Variants in PIBF1 observed in about 807,000 individuals in gnomAD.
PIBF1 encodes progesterone immunomodulatory binding factor 1.
Under a neutral mutation model 112.5 loss-of-function variants are expected in PIBF1, and 90 were observed. The ratio of observed to expected loss-of-function variants is 0.80; its 90% CI spans 0.67 to 0.95. The LOEUF is 0.95. Ranked by LOEUF, PIBF1 falls within the 40% of genes least tolerant of loss-of-function variation. The probability of loss-of-function intolerance (pLI) is 0.00; values close to 1 mark genes in which losing one functional copy is unlikely to be tolerated. For missense variants in PIBF1, 915 were observed against 852.3 expected, an observed-to-expected ratio of 1.07 and a Z score of -0.92; for synonymous variants, 301 against 288.6, an observed-to-expected ratio of 1.04 and a Z score of -0.44.
intron 14 of PIBF1, among the ~76,000 whole-genome samples, chr13:72,935,624 T>G (rs149529334): frequency 2.0e-5 from 3 of 152,224 alleles, no homozygotes; most frequent in African/African-American, 7.2e-5. Flanking sequence ...TGCTAAACTG[T>G]TTCCCAGATG....
chr13:72,919,903 G>A (rs1198702935), intron 13 of PIBF1, among the ~76,000 whole-genome samples: 1 of 152,142 alleles, frequency 6.6e-6, no homozygotes, highest in African/African-American at 2.4e-5. Flanking sequence ...GAGCTCAAGA[G>A]GTCGAGGCAG....
Position 72,782,159 on chromosome 13 carries a change from A to C in PIBF1, c.-238A>C, listed in dbSNP as rs907494048. 4 of 289,768 alleles carry C rather than the reference A, an allele frequency of 1.4e-5. No homozygotes were observed. Among genetic ancestry groups the C allele is most frequent in the African/African-American group, 2.2e-5 (1 of 46,156 alleles). 17.9% of individuals were successfully genotyped at this position (289,768 alleles called of 1,614,324 possible). ...GAGTTGACTTCCGGCGGCTTGTGGG[A>C]GTGCTGGTTCTGTCCTCCTTGCGGG... is the stretch of plus-strand genomic sequence containing the variant. On this transcript the variant is annotated 5_prime_UTR_variant, in exon 1 of 18. Coordinates refer to ENST00000326291, the MANE Select transcript of PIBF1 (RefSeq NM_006346.4).
chr13:72,975,859 A>T (rs1594301800), intron 16 of PIBF1, among the ~76,000 whole-genome samples: 2 of 152,318 alleles, frequency 1.3e-5, no homozygotes, highest in African/African-American at 2.4e-5. Flanking sequence ...AGTGTTTTTG[A>T]AATTAAATAT....
At chr13:72,953,345 C>T (rs190424595) in intron 14 of PIBF1, among the ~76,000 whole-genome samples, 13 of 152,268 alleles carry the variant, frequency 8.5e-5, no homozygotes, top group Admixed American at 1.3e-4. Context: ...TTGTCCCACA[C>T]GGTGCCTCCG....
In PIBF1 at chr13:72,839,490, G is replaced by T. The variant is rs113968825; in HGVS notation, c.1223+4122G>T. ...CTGTAGAAGAATCTGAACCTCAAGAGAAAGATCTGGGAATTAGAGAGGCCT... is the reference window on the plus strand; with the variant it reads ...CTGTAGAAGAATCTGAACCTCAAGATAAAGATCTGGGAATTAGAGAGGCCT... On this transcript the variant is annotated intron_variant, in intron 9 of 17. Transcript: ENST00000326291. Among the ~76,000 whole-genome samples, 653 of 152,306 alleles carry T rather than the reference G, an allele frequency of 4.3e-3. 9 individuals carry two copies. The highest frequency in any genetic ancestry group is 0.015 in the African/African-American group (607 of 41,560).
chr13:72,946,427 C>T (rs1021755569), intron 14 of PIBF1, among the ~76,000 whole-genome samples: 2 of 152,094 alleles, frequency 1.3e-5, no homozygotes, highest in Non-Finnish European at 2.9e-5. Flanking sequence ...AAAACCTAAC[C>T]ATATCATTCT....
chr13:72,920,541 C>T (rs537522919), intron 13 of PIBF1, among the ~76,000 whole-genome samples: 16 of 152,292 alleles, frequency 1.1e-4, no homozygotes, highest in African/African-American at 3.1e-4. Context: ...GTAAAGAAAG[C>T]GGTGGCTTTG....
At chr13:72,933,439 A>T (rs1193923243) in intron 14 of PIBF1, among the ~76,000 whole-genome samples, 1 of 152,240 alleles carries the variant, frequency 6.6e-6, no homozygotes, top group East Asian at 1.9e-4. Flanking sequence ...AGGCAGGGGG[A>T]TCACTTGAGG....
chr13:72,897,652 CA>C (rs1376671261), intron 11 of PIBF1, among the ~76,000 whole-genome samples: 1 of 152,122 alleles, frequency 6.6e-6, no homozygotes, highest in African/African-American at 2.4e-5. Flanking sequence ...CAAAAGCGAG[CA>C]GGGGTAGCTA....
At chr13:72,881,086 T>G (rs1037582361) in intron 10 of PIBF1, 4 of 118,732 alleles carry the variant, frequency 3.4e-5, no homozygotes, top group African/African-American at 1.3e-4. Context: ...TGTTATTAGA[T>G]GATAGGATTT....
At chr13:72,853,969 C>A in intron 9 of PIBF1, 88 bp from the exon 10 acceptor site, 2 of 1,018,730 alleles carry the variant, frequency 2.0e-6, no homozygotes, top group Non-Finnish European at 1.5e-6. Context: ...TCAGATGGGT[C>A]CTTAAGATTG....
intron 17 of PIBF1, among the ~76,000 whole-genome samples, chr13:73,010,810 CTTTTTTTTTTT>C (rs1176079981): frequency 0.015 from 618 of 40,356 alleles, 13 homozygotes; most frequent in African/African-American, 0.054. Context: ...ATTAACTTTT[CTTTTTTTTTTT>C]TTTTTTTTTT....
At chr13:72,889,006 C>T (rs1276882546) in intron 10 of PIBF1, among the ~76,000 whole-genome samples, 2 of 151,700 alleles carry the variant, frequency 1.3e-5, no homozygotes, top group Non-Finnish European at 2.9e-5. Context: ...TCGACACCAG[C>T]CTGGGCGACA....
chr13:72,843,414 G>T (rs1430486409), intron 9 of PIBF1, among the ~76,000 whole-genome samples: 1 of 152,152 alleles, frequency 6.6e-6, no homozygotes, highest in Non-Finnish European at 1.5e-5. Flanking sequence ...ATTAGCTCCA[G>T]AATGCAGACT....
chr13:72,825,806 CTG>C (rs2036782522), intron 6 of PIBF1, among the ~76,000 whole-genome samples: 1 of 151,782 alleles, frequency 6.6e-6, no homozygotes, highest in African/African-American at 2.4e-5. Flanking sequence ...CGTGTCATGT[CTG>C]TAATCCTAGT....
intron 10 of PIBF1, among the ~76,000 whole-genome samples, chr13:72,868,561 C>G (rs1404196451): frequency 6.6e-6 from 1 of 152,158 alleles, no homozygotes; most frequent in Non-Finnish European, 1.5e-5. Context: ...GTTGGTGTAA[C>G]AAAACATGTC....
rs1035391292 is a variant in PIBF1 at position 72,861,557 on chromosome 13, CT to C, written c.1322+7409del. Among the ~76,000 whole-genome samples, 5 of 152,110 alleles carry C rather than the reference CT, an allele frequency of 3.3e-5. No individual in the cohort carries two copies. In the East Asian group the frequency reaches 7.7e-4, roughly 23 times the overall value. Reference sequence around the variant, plus strand: ...AGCTGTCCTAAATTTCCTTTCAGTGCTTTTTTTCATATTTCTATATACTTTT... The same window carrying C: ...AGCTGTCCTAAATTTCCTTTCAGTGCTTTTTTCATATTTCTATATACTTTT... On this transcript the variant is annotated intron_variant, in intron 10 of 17. Coordinates refer to ENST00000326291, the MANE Select transcript of PIBF1 (RefSeq NM_006346.4).
At chr13:72,946,895 G>T (rs1264054824) in intron 14 of PIBF1, among the ~76,000 whole-genome samples, 1 of 152,204 alleles carries the variant, frequency 6.6e-6, no homozygotes, top group Admixed American at 6.5e-5. Flanking sequence ...GGCTGGCAGT[G>T]TCTACAACTT....
intron 17 of PIBF1, among the ~76,000 whole-genome samples, chr13:73,013,749 A>G (rs12584048): frequency 0.23 from 28,977 of 128,318 alleles, 2,989 homozygotes; most frequent in Middle Eastern, 0.28. Context: ...AAAAAAAAAA[A>G]AAAAGAAAAA....
Sources: allele counts gnomAD v4.1 joint callset (sites outside exome capture counted in the v4.1 genomes callset), GRCh38; gene constraint gnomAD v4.1.1; transcripts MANE v1.5; gene names NCBI Gene and HGNC (gene_info 2026-07-23, HGNC 2026-07-21).